PPP1R14C: variants seen among roughly 807,000 people sequenced by gnomAD.
The protein encoded by PPP1R14C is protein phosphatase 1 regulatory subunit 14C.
PPP1R14C carries 16 observed loss-of-function variants against 20.4 expected under a neutral mutation model. That is an observed-to-expected ratio of 0.78 (90% CI 0.53 to 1.19). PPP1R14C has a LOEUF of 1.19. Ranked by LOEUF, PPP1R14C falls within the 50% of genes most tolerant of loss-of-function variation. The pLI, the probability that PPP1R14C is intolerant of heterozygous loss-of-function variation, is 0.00. For missense variants in PPP1R14C, 211 were observed against 220.1 expected (o/e 0.96, Z 0.26); for synonymous variants, 91 against 91.0 (o/e 1.00, Z 0.00).
Position 150,236,613 on chromosome 6 carries a change from C to CTGTGTGTGTGTGTGTGTGTGTGTG in PPP1R14C, c.424-12130_424-12107dup, listed in dbSNP as rs142109127. 3.3e-3 allele frequency among the ~76,000 whole-genome samples: 473 copies of CTGTGTGTGTGTGTGTGTGTGTGTG among 144,442 alleles called. 5 individuals carry two copies. Among genetic ancestry groups the CTGTGTGTGTGTGTGTGTGTGTGTG allele is most frequent in the East Asian group, 8.3e-3 (39 of 4,710 alleles). 94.8% of individuals were successfully genotyped at this position (144,442 alleles called of 152,430 possible). ...AAGCGGAGGGAGGTGGTTGGTGCCACTGTGTGTGTGTGTGTGTGTGTGTGT... is the reference window on the plus strand; with the variant it reads ...AAGCGGAGGGAGGTGGTTGGTGCCACTGTGTGTGTGTGTGTGTGTGTGTGTGTGTGTGTGTGTGTGTGTGTGTGT... On this transcript the variant is annotated intron_variant, in intron 3 of 3. Transcript: ENST00000361131.
rs765560393 is a variant in PPP1R14C, at chr6:150,143,331, T to G, written c.139T>G (p.Ser47Ala). 1 of 1,602,552 alleles carries G rather than the reference T, an allele frequency of 6.2e-7. No individual in the cohort carries two copies. The highest frequency in any genetic ancestry group is 1.1e-5 in the South Asian group (1 of 89,510). Residue 47 changes from serine to alanine, a missense_variant, in exon 1 of 4, where the codon TCG (serine) becomes GCG (alanine). Ser to Ala is a moderately conservative substitution (Grantham distance 99). Coordinates refer to ENST00000361131, the MANE Select transcript of PPP1R14C (RefSeq NM_030949.3). This position sits in a 1 kb window ranked among gnomAD's most constrained non-coding sequence, Gnocchi z 5.6. ...CGGCTCAGGCTCCTCCCGGGAGGAC[T>G]CGGCGCCCGTGGCCACGGCGGCCGC... The part of the protein sequence containing the change: ...SSGSGSSRED[S>A]APVATAAAAG...
At chr6:150,176,727 G>T (rs1425019374) in intron 1 of PPP1R14C, among the ~76,000 whole-genome samples, 1 of 152,186 alleles carries the variant, frequency 6.6e-6, no homozygotes, top group Admixed American at 6.5e-5. Flanking sequence ...CCTTTAAGCT[G>T]TTATAATGAG....
At chr6:150,182,109 C>T (rs538956532) in intron 1 of PPP1R14C, among the ~76,000 whole-genome samples, 2 of 146,454 alleles carry the variant, frequency 1.4e-5, no homozygotes, top group African/African-American at 5.2e-5. Context: ...TAAATTCAGC[C>T]ATTTTCATGA....
intron 3 of PPP1R14C, among the ~76,000 whole-genome samples, chr6:150,242,109 CAACAAAACAA>C (rs557707845): frequency 2.0e-5 from 3 of 151,978 alleles, no homozygotes; most frequent in Admixed American, 1.3e-4. Context: ...CTCAAACACA[CAACAAAACAA>C]AACAAAACAA....
intron 1 of PPP1R14C, among the ~76,000 whole-genome samples, chr6:150,146,628 G>A (rs1337634788): frequency 6.6e-6 from 1 of 152,128 alleles, no homozygotes; most frequent in African/African-American, 2.4e-5. Flanking sequence ...GCCCAGTCTT[G>A]GTATGCACCT....
chr6:150,162,061 CTTTTTT>C (rs35656436), intron 1 of PPP1R14C, among the ~76,000 whole-genome samples: 1 of 143,540 alleles, frequency 7.0e-6, no homozygotes, highest in Non-Finnish European at 1.5e-5. Context: ...TTTCTTTTTT[CTTTTTT>C]TTTTTTGAGA....
At position 150,143,529 on chromosome 6, in the gene PPP1R14C, G is replaced by T. The variant is rs371117131; in HGVS notation, c.306+31G>T. The stretch of plus-strand genomic sequence containing the variant: ...TGGGCGCGGGGCTGGGAGGGTCGGG[G>T]ACCTCTCTAGCTCCTCTGTGCCCGC... On this transcript the variant is annotated intron_variant, in intron 1 of 3. Transcript: ENST00000361131. This position sits in a 1 kb window ranked among gnomAD's most constrained non-coding sequence, Gnocchi z 5.6. The T allele has an allele frequency of 2.2e-5, 30 of 1,374,170 alleles. 1 individual carries two copies. The highest frequency in any genetic ancestry group is 2.6e-5 in the East Asian group (1 of 38,566). The allele number at this position is 1,374,170 out of a possible 1,614,324, so 85.1% of individuals were successfully genotyped here. A position where few individuals can be genotyped will look rare whatever the true frequency, so the allele number is the denominator to read the frequency against.
intron 3 of PPP1R14C, among the ~76,000 whole-genome samples, chr6:150,238,344 A>T (rs1778388414): frequency 6.6e-6 from 1 of 152,268 alleles, no homozygotes; most frequent in African/African-American, 2.4e-5. Flanking sequence ...CAGTTAATAA[A>T]AATTTCCCCG....
At chr6:150,198,499 C>T (rs1353326573) in intron 1 of PPP1R14C, among the ~76,000 whole-genome samples, 1 of 152,250 alleles carries the variant, frequency 6.6e-6, no homozygotes, top group Non-Finnish European at 1.5e-5. Context: ...TGTCCCATTC[C>T]TTGACATTTT....
At chr6:150,163,140 C>T (rs894678288) in intron 1 of PPP1R14C, among the ~76,000 whole-genome samples, 6 of 152,100 alleles carry the variant, frequency 3.9e-5, no homozygotes, top group Non-Finnish European at 8.8e-5. Flanking sequence ...ACCTGTAATC[C>T]CAGCACTTTG....
rs1348167742 is a variant in PPP1R14C at position 150,249,607 on chromosome 6, G to C, written c.*787G>C. Reference sequence around the variant, plus strand: ...AACCCTTAATTTGAAGAACTAACTTGATTTCTAGAGAAATATCCACACTAT... The same window carrying C: ...AACCCTTAATTTGAAGAACTAACTTCATTTCTAGAGAAATATCCACACTAT... On this transcript the variant is annotated 3_prime_UTR_variant, in exon 4 of 4. Coordinates refer to ENST00000361131, the MANE Select transcript of PPP1R14C (RefSeq NM_030949.3). The C allele has an allele frequency of 5.0e-6, 2 of 398,308 alleles. No individual in the cohort carries two copies. Among genetic ancestry groups the C allele is most frequent in the East Asian group, 7.1e-5 (2 of 28,074 alleles). 24.7% of individuals were successfully genotyped at this position (398,308 alleles called of 1,614,324 possible).
At chr6:150,222,541 T>G (rs1778181269) in intron 3 of PPP1R14C, among the ~76,000 whole-genome samples, 1 of 152,112 alleles carries the variant, frequency 6.6e-6, no homozygotes, top group African/African-American at 2.4e-5. Context: ...ATGACATGTA[T>G]CCACCACTAC....
At chr6:150,242,291 C>G (rs975922209) in intron 3 of PPP1R14C, among the ~76,000 whole-genome samples, 53 of 64,514 alleles carry the variant, frequency 8.2e-4, no homozygotes, top group African/African-American at 6.0e-3. Context: ...CTGGCAATAC[C>G]CTGATACTAA....
chr6:150,184,824 A>G (rs911208938), intron 1 of PPP1R14C, among the ~76,000 whole-genome samples: 1 of 152,212 alleles, frequency 6.6e-6, no homozygotes, highest in African/African-American at 2.4e-5. Context: ...AGATTTGTGA[A>G]TGAGTTGGTG....
At chr6:150,222,814 C>T (rs1778186212) in intron 3 of PPP1R14C, among the ~76,000 whole-genome samples, 1 of 105,452 alleles carries the variant, frequency 9.5e-6, no homozygotes, top group East Asian at 3.2e-4. Context: ...CTTTGTCTCT[C>T]AGGCTGGAAT....
At position 150,143,421 on chromosome 6, in the gene PPP1R14C, G is replaced by A. The variant is rs1777146178; in HGVS notation, c.229G>A (p.Asp77Asn). ...HQQGKVTVKYDRKELRKRLVL... is the reference protein window; with the variant it reads ...HQQGKVTVKYNRKELRKRLVL... ...GCAGGGAAAAGTGACAGTGAAATAC[G>A]ATCGTAAGGAGCTTCGGAAGCGGCT... The change falls in exon 1 of 4, where the codon GAT becomes AAT. Residue 77 changes from aspartate to asparagine, a missense_variant. By Grantham distance (23) the Asp-to-Asn change is conservative (BLOSUM62 1). Coordinates refer to ENST00000361131, the MANE Select transcript of PPP1R14C (RefSeq NM_030949.3). This position sits in a 1 kb window ranked among gnomAD's most constrained non-coding sequence, Gnocchi z 5.6. 2 of 1,611,808 alleles carry A rather than the reference G, an allele frequency of 1.2e-6. No homozygotes were observed. The highest frequency in any genetic ancestry group is 1.7e-6 in the Non-Finnish European group (2 of 1,179,138).
chr6:150,168,058 A>C (rs957816998), intron 1 of PPP1R14C, among the ~76,000 whole-genome samples: 41 of 2,416 alleles, frequency 0.017, no homozygotes, highest in African/African-American at 0.031. Context: ...CCTCTCCCCC[A>C]CTCCCCTCCC....
At chr6:150,211,985 C>T (rs1778028886) in intron 1 of PPP1R14C, among the ~76,000 whole-genome samples, 1 of 152,208 alleles carries the variant, frequency 6.6e-6, no homozygotes, top group Admixed American at 6.5e-5. Context: ...CATCAGCTTT[C>T]TGGCTGGTAA....
intron 1 of PPP1R14C, among the ~76,000 whole-genome samples, chr6:150,146,005 G>T (rs1354577607): frequency 1.3e-5 from 2 of 152,170 alleles, no homozygotes; most frequent in African/African-American, 2.4e-5. Flanking sequence ...GAAATACACA[G>T]AACCACTTTC....
Sources: gnomAD v4.1 joint callset for allele counts (sites outside exome capture counted in the v4.1 genomes callset) on GRCh38, gnomAD v4.1.1 for gene constraint, Gnocchi (gnomAD v3.1) non-coding constraint, MANE v1.5 for transcripts, NCBI Gene and HGNC (gene_info 2026-07-23, HGNC 2026-07-21) for gene names.